Variants in VPS8 observed in about 807,000 individuals in gnomAD.
VPS8 encodes VPS8 subunit of CORVET complex.
In VPS8, 129 loss-of-function variants were observed where a neutral mutation model predicts 216.4. That is an observed-to-expected ratio of 0.60 (90% CI 0.52 to 0.69). The LOEUF is 0.69. Ranked by LOEUF, VPS8 falls within the 30% of genes least tolerant of loss-of-function variation. The probability of loss-of-function intolerance (pLI) is 0.00; values close to 1 mark genes in which losing one functional copy is unlikely to be tolerated. For synonymous variants in VPS8, 571 were observed against 565.4 expected (o/e 1.01, Z -0.14); for missense variants, 1,531 against 1,683.5 (o/e 0.91, Z 1.59).
Position 184,839,921 on chromosome 3 carries a change from C to T in VPS8, c.535+169C>T, listed in dbSNP as rs898854016. ...TAGCTAAAAATTATTTGCCTCACAG[C>T]TTTGTTTTGCTGCTTATTGCAAGTT... On this transcript the variant is annotated intron_variant, in intron 7 of 47. Transcript: ENST00000625842. The T allele has an allele frequency of 7.9e-6, 11 of 1,384,840 alleles. No homozygotes were observed. In the African/African-American group the frequency reaches 1.3e-4, roughly 17 times the overall value. The allele number at this position is 1,384,840 out of a possible 1,614,324, so 85.8% of individuals were successfully genotyped here.
chr3:185,042,383 T>C (rs552917010), intron 46 of VPS8, among the ~76,000 whole-genome samples: 1 of 152,350 alleles, frequency 6.6e-6, no homozygotes, highest in Non-Finnish European at 1.5e-5. Flanking sequence ...TCTGGATTTT[T>C]TTAAGATCTT....
intron 21 of VPS8, among the ~76,000 whole-genome samples, chr3:184,871,691 A>G (rs1349495136): frequency 6.6e-6 from 1 of 152,196 alleles, no homozygotes; most frequent in East Asian, 1.9e-4. Context: ...TAAAATTTAC[A>G]TGATCTTTAC....
chr3:184,821,197 A>G (rs1394465162), intron 1 of VPS8, among the ~76,000 whole-genome samples: 3 of 152,150 alleles, frequency 2.0e-5, no homozygotes, highest in Non-Finnish European at 4.4e-5. Context: ...AAGAGCCAGG[A>G]CTCTCAATTT....
intron 11 of VPS8, among the ~76,000 whole-genome samples, chr3:184,853,400 C>G (rs1474254761): frequency 6.6e-6 from 1 of 152,172 alleles, no homozygotes; most frequent in African/African-American, 2.4e-5. Flanking sequence ...GGGGCAACAT[C>G]TGGAAAAATA....
Position 184,920,119 on chromosome 3 carries a change from C to T in VPS8, c.2383-8C>T. On this transcript the variant is annotated splice_polypyrimidine_tract_variant and splice_region_variant and intron_variant, in intron 28 of 47. Transcript: ENST00000625842. ...AATTACTTTAAAAAATTTATTTCTC[C>T]CTTTTAGACTTTTGAAGATTTTAAA... 1.3e-6 allele frequency: 2 copies of T among 1,503,138 alleles called. No individual in the cohort carries two copies. The highest frequency in any genetic ancestry group is 1.3e-5 in the South Asian group (1 of 75,246). The allele number at this position is 1,503,138 out of a possible 1,614,324, so 93.1% of individuals were successfully genotyped here.
rs185351242 is a variant in VPS8, at chr3:184,881,045, T to A, written c.1735-5065T>A. 4.4e-4 allele frequency among the ~76,000 whole-genome samples: 67 copies of A among 152,314 alleles called. No homozygotes were observed. In the East Asian group the frequency reaches 0.01, roughly 23 times the overall value. ...TACTGTTGAATTTTTAGGGTTTTAA[T>A]ATATTCAAGGCACTAGTCCGTTATT... On this transcript the variant is annotated intron_variant, in intron 21 of 47. Transcript: ENST00000625842.
chr3:184,919,674 A>T (rs1405149892), intron 28 of VPS8, among the ~76,000 whole-genome samples: 1 of 152,168 alleles, frequency 6.6e-6, no homozygotes, highest in Non-Finnish European at 1.5e-5. Flanking sequence ...ATCTTTGGAC[A>T]TCATTTTTCT....
At chr3:184,837,279 A>G (rs1348461830) in intron 5 of VPS8, among the ~76,000 whole-genome samples, 3 of 152,214 alleles carry the variant, frequency 2.0e-5, no homozygotes, top group Non-Finnish European at 4.4e-5. Context: ...TGAATATAGA[A>G]CAGACCTTCG....
At chr3:184,846,348 A>C (rs1230247605) in intron 8 of VPS8, among the ~76,000 whole-genome samples, 1 of 152,244 alleles carries the variant, frequency 6.6e-6, no homozygotes, top group Non-Finnish European at 1.5e-5. Context: ...ATGTGGGAAC[A>C]ACAGTCAGGA....
At position 184,997,271 on chromosome 3, in the gene VPS8, C is replaced by G. The variant is rs188987156; in HGVS notation, c.3836+770C>G. On this transcript the variant is annotated intron_variant, in intron 44 of 47. Transcript: ENST00000625842. ...ATGGCCGTGGATCCAAACTTCCTGA[C>G]TTCAAGTCTTGACTCTACTACATGC... Among the ~76,000 whole-genome samples, 21 of 152,328 alleles carry G rather than the reference C, an allele frequency of 1.4e-4. No homozygotes were observed. In the South Asian group the frequency reaches 1.5e-3, roughly 11 times the overall value.
At chr3:184,906,492 TTAA>T (rs894744607) in intron 25 of VPS8, among the ~76,000 whole-genome samples, 8 of 151,414 alleles carry the variant, frequency 5.3e-5, no homozygotes, top group African/African-American at 1.7e-4. Context: ...TCGAAATGAA[TTAA>T]TAATAGATTA....
At chr3:185,018,601 G>A (rs1198826312) in intron 45 of VPS8, among the ~76,000 whole-genome samples, 2 of 152,196 alleles carry the variant, frequency 1.3e-5, no homozygotes, top group Non-Finnish European at 2.9e-5. Flanking sequence ...TCGAATAAGA[G>A]CGTCCCAGTC....
At chr3:184,852,684 T>C in intron 11 of VPS8, 117 bp downstream of exon 11, 1 of 923,102 alleles carries the variant, frequency 1.1e-6, no homozygotes, top group Non-Finnish European at 1.6e-6. Flanking sequence ...ATTATGACTG[T>C]GTATTACAAT....
chr3:184,832,064 A>G (rs1380340719), intron 3 of VPS8, among the ~76,000 whole-genome samples: 4 of 152,216 alleles, frequency 2.6e-5, no homozygotes, highest in Non-Finnish European at 1.5e-5. Context: ...CAAGATAGAC[A>G]TGGGCCCTGC....
chr3:185,038,085 C>G (rs58166971), intron 46 of VPS8, among the ~76,000 whole-genome samples: 12,620 of 152,226 alleles, frequency 0.083, 1,202 homozygotes, highest in African/African-American at 0.23. Flanking sequence ...ATTGTATACC[C>G]TATGTACTGG....
In VPS8 at chr3:184,957,339, C is replaced by G. The variant is rs139478800; in HGVS notation, c.3036-35C>G. 6.6e-4 allele frequency: 1,038 copies of G among 1,573,412 alleles called. 8 individuals carry two copies. The African/African-American group carries it at 0.013, about 19-fold the overall frequency. On this transcript the variant is annotated intron_variant, in intron 36 of 47. Transcript: ENST00000625842. ...TTATAGATGTGATTAAATAATGCTACAATTGAGTGTTCTCTTTATCTTTTA... is the reference window on the plus strand; with the variant it reads ...TTATAGATGTGATTAAATAATGCTAGAATTGAGTGTTCTCTTTATCTTTTA...
At position 184,924,934 on chromosome 3, in the gene VPS8, G is replaced by A; in HGVS notation, c.2527G>A (p.Ala843Thr). The A allele has an allele frequency of 6.2e-7, 1 of 1,613,554 alleles. No individual in the cohort carries two copies. The highest frequency in any genetic ancestry group is 8.5e-7 in the Non-Finnish European group (1 of 1,179,806). Residue 843 changes from alanine to threonine, a missense_variant, in exon 30 of 48, where the codon GCA becomes ACA. Physicochemically the swap from Ala to Thr is moderately conservative, Grantham distance 58 (BLOSUM62 0). Transcript: ENST00000625842. Reference protein sequence around the residue: ...CLFTFLARQLAKPDNTLFVNR... With the variant: ...CLFTFLARQLTKPDNTLFVNR... ...CTTTACCTTCCTTGCTCGGCAGCTTGCAAAGCCTGACAACACCTTGTTTGT... is the reference window on the plus strand; with the variant it reads ...CTTTACCTTCCTTGCTCGGCAGCTTACAAAGCCTGACAACACCTTGTTTGT...
chr3:184,939,554 C>CCTTTTTTTTT (rs1325160982), intron 35 of VPS8, among the ~76,000 whole-genome samples: 1 of 141,192 alleles, frequency 7.1e-6, no homozygotes, highest in African/African-American at 2.6e-5. Flanking sequence ...TTGCTGTCCT[C>CCTTTTTTTTT]TTTTTTTTTT....
At position 184,990,670 on chromosome 3, in the gene VPS8, G is replaced by C. The variant is rs150739568; in HGVS notation, c.3586-3313G>C. On this transcript the variant is annotated intron_variant, in intron 42 of 47. Coordinates refer to ENST00000625842, the MANE Select transcript of VPS8 (RefSeq NM_001009921.3). ...AATGGGAACCACTAGAATTAATCCA[G>C]GTCTGCTAACTTCAAGTTTTAGGGC... Among the ~76,000 whole-genome samples the C allele has an allele frequency of 3.8e-3, 583 of 152,196 alleles. 4 individuals are homozygous for C. Among genetic ancestry groups the C allele is most frequent in the African/African-American group, 0.013 (525 of 41,518 alleles).
Sources: allele counts gnomAD v4.1 joint callset (sites outside exome capture counted in the v4.1 genomes callset), GRCh38; gene constraint gnomAD v4.1.1; transcripts MANE v1.5; gene names NCBI Gene and HGNC (gene_info 2026-07-23, HGNC 2026-07-21).